CNTN5: variants seen among roughly 807,000 people sequenced by gnomAD.
CNTN5 encodes contactin 5.
Under a neutral mutation model 129.1 loss-of-function variants are expected in CNTN5, and 77 were observed. The ratio of observed to expected loss-of-function variants is 0.60; its 90% confidence interval spans 0.50 to 0.72. The LOEUF (loss-of-function observed/expected upper bound fraction) is 0.72, where lower values mean the gene tolerates loss of function less well. Among genes scored for constraint, CNTN5 ranks in the 30% least tolerant of loss-of-function variants. The probability of loss-of-function intolerance (pLI) is 0.00; values close to 1 mark genes in which losing one functional copy is unlikely to be tolerated. For missense variants in CNTN5, 1,478 were observed against 1,328.8 expected (o/e 1.11, Z -1.75); for synonymous variants, 509 against 465.6 (o/e 1.09, Z -1.20).
intron 1 of CNTN5, among the ~76,000 whole-genome samples, chr11:99,180,721 A>AT (rs1157058795): frequency 6.6e-6 from 1 of 152,144 alleles, no homozygotes; most frequent in Non-Finnish European, 1.5e-5. Flanking sequence ...GTAGGAAAAT[A>AT]CCCTTACAGA....
At chr11:99,164,031 A>G (rs1392365129) in intron 1 of CNTN5, among the ~76,000 whole-genome samples, 1 of 152,184 alleles carries the variant, frequency 6.6e-6, no homozygotes, top group African/African-American at 2.4e-5. Flanking sequence ...ATGTCAAAAA[A>G]ATGTGTTGCA....
At chr11:100,083,797 T>C (rs766441437) in intron 13 of CNTN5, among the ~76,000 whole-genome samples, 2 of 152,096 alleles carry the variant, frequency 1.3e-5, no homozygotes, top group Non-Finnish European at 2.9e-5. Context: ...AAAATATCAG[T>C]TCCTAATATT....
At chr11:99,450,361 G>A (rs144401291) in intron 2 of CNTN5, among the ~76,000 whole-genome samples, 130 of 151,308 alleles carry the variant, frequency 8.6e-4, no homozygotes, top group South Asian at 6.1e-3. Context: ...ATATTGTATA[G>A]ACTGTCTGTC....
intron 3 of CNTN5, among the ~76,000 whole-genome samples, chr11:99,724,216 A>G (rs774495633): frequency 2.0e-5 from 3 of 152,022 alleles, no homozygotes; most frequent in African/African-American, 4.8e-5. Flanking sequence ...CAGGATCTAT[A>G]TACTCTCTCT....
intron 15 of CNTN5, among the ~76,000 whole-genome samples, chr11:100,217,093 C>T (rs2138605460): frequency 1.3e-5 from 2 of 152,272 alleles, no homozygotes; most frequent in Admixed American, 1.3e-4. Context: ...TCTGCAATGA[C>T]TTTTTGTACT....
chr11:99,704,235 G>A (rs1364734566), intron 3 of CNTN5, among the ~76,000 whole-genome samples: 1 of 150,818 alleles, frequency 6.6e-6, no homozygotes, highest in Non-Finnish European at 1.5e-5. Flanking sequence ...AATCCACCAG[G>A]TATTCACATA....
At chr11:99,899,823 C>T (rs61911642) in intron 6 of CNTN5, among the ~76,000 whole-genome samples, 20,078 of 151,932 alleles carry the variant, frequency 0.13, 1,513 homozygotes, top group East Asian at 0.18. Flanking sequence ...TTTCTTTGTA[C>T]ATCTGGTAAA....
chr11:100,012,337 A>T (rs1940582402), intron 9 of CNTN5, among the ~76,000 whole-genome samples: 1 of 152,126 alleles, frequency 6.6e-6, no homozygotes, highest in African/African-American at 2.4e-5. Flanking sequence ...CTTCTCAAGG[A>T]ATGGCTAGAC....
At chr11:100,341,295 T>A (rs1952156041) in intron 23 of CNTN5, 90 bp downstream of exon 23, 1 of 874,994 alleles carries the variant, frequency 1.1e-6, no homozygotes, top group African/African-American at 1.7e-5. Flanking sequence ...AAAAGACCCA[T>A]TAACCAACCT....
At chr11:99,967,101 A>G (rs1456321395) in intron 8 of CNTN5, among the ~76,000 whole-genome samples, 1 of 152,170 alleles carries the variant, frequency 6.6e-6, no homozygotes, top group Non-Finnish European at 1.5e-5. Flanking sequence ...CTAAATAAAG[A>G]GAGGATATTT....
At chr11:100,194,645 T>C (rs1433393589) in intron 15 of CNTN5, among the ~76,000 whole-genome samples, 2 of 151,024 alleles carry the variant, frequency 1.3e-5, no homozygotes, top group Non-Finnish European at 2.9e-5. Flanking sequence ...AGGAATTCTC[T>C]GGATCAAATC....
chr11:99,812,858 T>A lies in CNTN5; in HGVS notation c.56-6686T>A, dbSNP rs577313383. 7.9e-5 allele frequency among the ~76,000 whole-genome samples: 12 copies of A among 152,252 alleles called. No homozygotes were observed. In the South Asian group the frequency reaches 2.5e-3, roughly 32 times the overall value. ...ATGGCGGTACTGTAAGAATACAAGATGTTGGCAAGTTTTCATTCAAAGGCA... is the reference window on the plus strand; with the variant it reads ...ATGGCGGTACTGTAAGAATACAAGAAGTTGGCAAGTTTTCATTCAAAGGCA... On this transcript the variant is annotated intron_variant, in intron 3 of 24. Transcript: ENST00000524871.
At chr11:99,595,662 T>C (rs571603945) in intron 3 of CNTN5, among the ~76,000 whole-genome samples, 3 of 152,130 alleles carry the variant, frequency 2.0e-5, no homozygotes, top group African/African-American at 7.2e-5. Flanking sequence ...AATACCTTAT[T>C]CTAAATAAAG....
At chr11:99,342,809 G>A (rs890277400) in intron 2 of CNTN5, among the ~76,000 whole-genome samples, 4 of 151,740 alleles carry the variant, frequency 2.6e-5, no homozygotes, top group Admixed American at 6.6e-5. Flanking sequence ...TTTATTTTTA[G>A]GACTATAAAA....
At chr11:99,040,741 A>G (rs1354843152) in intron 1 of CNTN5, among the ~76,000 whole-genome samples, 3 of 152,166 alleles carry the variant, frequency 2.0e-5, no homozygotes, top group Admixed American at 6.5e-5. Flanking sequence ...TGATTTATTC[A>G]AGGAACAAAA....
At chr11:99,387,494 A>T (rs1480078608) in intron 2 of CNTN5, among the ~76,000 whole-genome samples, 1 of 152,218 alleles carries the variant, frequency 6.6e-6, no homozygotes, top group Non-Finnish European at 1.5e-5. Context: ...AAATGATTTC[A>T]AACCATTTAT....
chr11:99,041,451 T>C (rs1357766221), intron 1 of CNTN5, among the ~76,000 whole-genome samples: 2 of 152,208 alleles, frequency 1.3e-5, no homozygotes, highest in Non-Finnish European at 2.9e-5. Flanking sequence ...TTTGTATGCA[T>C]GCCTTACTTT....
chr11:99,842,229 C>T (rs1460464198), intron 4 of CNTN5, among the ~76,000 whole-genome samples: 1 of 152,010 alleles, frequency 6.6e-6, no homozygotes, highest in African/African-American at 2.4e-5. Context: ...TGTTTTCTGT[C>T]TCAGTTTTGT....
At chr11:99,118,279 G>A (rs1858135179) in intron 1 of CNTN5, among the ~76,000 whole-genome samples, 1 of 152,028 alleles carries the variant, frequency 6.6e-6, no homozygotes, top group African/African-American at 2.4e-5. Flanking sequence ...TATAGTGGGT[G>A]TGTATTGGTA....
Sources: allele counts gnomAD v4.1 joint callset (sites outside exome capture counted in the v4.1 genomes callset), GRCh38; gene constraint gnomAD v4.1.1; transcripts MANE v1.5; gene names NCBI Gene and HGNC (gene_info 2026-07-23, HGNC 2026-07-21).